Variants in GABRA1 observed in about 807,000 individuals in gnomAD.
GABRA1 encodes gamma-aminobutyric acid type A receptor subunit alpha1, also known as gamma-aminobutyric acid receptor subunit alpha-1.
GABRA1 carries 9 observed loss-of-function variants against 48.9 expected under a neutral mutation model. The observed-to-expected ratio is 0.18, with a 90% CI of 0.11 to 0.32. GABRA1 has a LOEUF of 0.32. Ranked by LOEUF, GABRA1 falls within the 10% of genes least tolerant of loss-of-function variation. GABRA1 has a pLI of 1.00. For missense variants in GABRA1, 285 were observed against 553.8 expected, an observed-to-expected ratio of 0.51 and a Z score of 4.87; for synonymous variants, 210 against 198.7, an observed-to-expected ratio of 1.06 and a Z score of -0.48.
chr5:161,865,906 G>T, intron 4 of GABRA1, 118 bp downstream of exon 4: 2 of 776,922 alleles, frequency 2.6e-6, no homozygotes, highest in Non-Finnish European at 4.5e-6. Context: ...ATACTTTTGT[G>T]TCTTTCTGTG....
intron 2 of GABRA1, among the ~76,000 whole-genome samples, chr5:161,851,754 G>A (rs1319419719): frequency 6.6e-6 from 1 of 152,090 alleles, no homozygotes; most frequent in African/African-American, 2.4e-5. Flanking sequence ...TAATTCAGAA[G>A]TTTTCTGTTG....
chr5:161,870,926 A>T (rs553327445), intron 4 of GABRA1, among the ~76,000 whole-genome samples: 1 of 151,024 alleles, frequency 6.6e-6, no homozygotes, highest in Non-Finnish European at 1.5e-5. Flanking sequence ...GGAAATGAAG[A>T]TTAACCAGCG....
chr5:161,881,990 G>A (rs1181261854), intron 6 of GABRA1: 1 of 154,786 alleles, frequency 6.5e-6, no homozygotes, highest in Non-Finnish European at 1.4e-5. Flanking sequence ...AGGAGGAGAA[G>A]GAGAAGGAGA....
At position 161,882,546 on chromosome 5, in the gene GABRA1, GT is replaced by G. The variant is rs1230461981; in HGVS notation, c.560-9del. On this transcript the variant is annotated splice_polypyrimidine_tract_variant and intron_variant, in intron 6 of 9. Transcript: ENST00000393943. ...TAAAATATATGGATCATTTTCTACT[GT>G]TTCCTTTTAGATGCTTATACAAGAG... 5.6e-6 allele frequency: 9 copies of G among 1,611,868 alleles called. No homozygotes were observed. Among genetic ancestry groups the G allele is most frequent in the Non-Finnish European group, 6.8e-6 (8 of 1,178,356 alleles).
intron 6 of GABRA1, among the ~76,000 whole-genome samples, chr5:161,878,720 G>A (rs149382127): frequency 3.4e-4 from 51 of 152,238 alleles, no homozygotes; most frequent in African/African-American, 1.1e-3. Flanking sequence ...AACTGTGATC[G>A]TTTCACTGCT....
intron 4 of GABRA1, among the ~76,000 whole-genome samples, chr5:161,872,004 C>A (rs1417775790): frequency 1.3e-5 from 2 of 152,196 alleles, no homozygotes; most frequent in Non-Finnish European, 2.9e-5. Flanking sequence ...GTACACGAAA[C>A]TCCTAAACAC....
chr5:161,873,422 T>C (rs1278069678), intron 5 of GABRA1, 85 bp downstream of exon 5: 1 of 1,082,038 alleles, frequency 9.2e-7, no homozygotes, highest in Admixed American at 1.9e-5. Flanking sequence ...TGATGAGCCA[T>C]GGTGGAATAT....
chr5:161,870,534 T>A (rs1754062938), intron 4 of GABRA1, among the ~76,000 whole-genome samples: 1 of 134,952 alleles, frequency 7.4e-6, no homozygotes, highest in Admixed American at 8.4e-5. Flanking sequence ...GTTATTGCAG[T>A]CCAGCCTGGG....
chr5:161,867,629 A>G (rs1753928001), intron 4 of GABRA1, among the ~76,000 whole-genome samples: 1 of 152,188 alleles, frequency 6.6e-6, no homozygotes, highest in Non-Finnish European at 1.5e-5. Flanking sequence ...ATAGTGCTCA[A>G]TAAATGATAG....
At chr5:161,868,836 G>C (rs1237850033) in intron 4 of GABRA1, among the ~76,000 whole-genome samples, 1 of 152,094 alleles carries the variant, frequency 6.6e-6, no homozygotes, top group Non-Finnish European at 1.5e-5. Context: ...TCTTAGAATA[G>C]GCTTTTTGAT....
chr5:161,875,845 T>C (rs951539288), intron 6 of GABRA1, among the ~76,000 whole-genome samples: 6 of 152,198 alleles, frequency 3.9e-5, no homozygotes, highest in Admixed American at 3.3e-4. Flanking sequence ...TCTACTGAAC[T>C]AGAAAGCATG....
At chr5:161,873,823 GATACTATTA>G (rs1241272592) in intron 5 of GABRA1, among the ~76,000 whole-genome samples, 14 of 152,082 alleles carry the variant, frequency 9.2e-5, no homozygotes, top group African/African-American at 3.4e-4. Context: ...CGAGAATATA[GATACTATTA>G]ATTTTGCTCA....
At chr5:161,850,339 AC>A (rs1487345764) in intron 1 of GABRA1, 8 of 320,738 alleles carry the variant, frequency 2.5e-5, no homozygotes, top group Non-Finnish European at 4.5e-5. Flanking sequence ...CAACATGTTA[AC>A]CTATCCCCTC....
chr5:161,896,537 G>A (rs960187136), intron 9 of GABRA1, among the ~76,000 whole-genome samples: 1 of 152,114 alleles, frequency 6.6e-6, no homozygotes, highest in Admixed American at 6.6e-5. Context: ...GTGTTTGTGG[G>A]GTTTGAAGAA....
At chr5:161,857,421 T>C (rs1757690237) in intron 3 of GABRA1, among the ~76,000 whole-genome samples, 1 of 151,598 alleles carries the variant, frequency 6.6e-6, no homozygotes, top group South Asian at 2.1e-4. Context: ...TTAGTTTATA[T>C]GTACCTTGGA....
At chr5:161,883,956 A>G (rs1028353566) in intron 7 of GABRA1, among the ~76,000 whole-genome samples, 4 of 152,018 alleles carry the variant, frequency 2.6e-5, no homozygotes, top group Non-Finnish European at 4.4e-5. Flanking sequence ...GAAAGGTCAT[A>G]GGCTTTGTAG....
At chr5:161,857,225 C>CT (rs1445871218) in intron 3 of GABRA1, among the ~76,000 whole-genome samples, 2 of 151,236 alleles carry the variant, frequency 1.3e-5, no homozygotes, top group South Asian at 2.1e-4. Context: ...TGACAAAAGT[C>CT]TTTTTTTATA....
chr5:161,877,174 G>A (rs1205791571), intron 6 of GABRA1, among the ~76,000 whole-genome samples: 3 of 152,208 alleles, frequency 2.0e-5, no homozygotes, highest in South Asian at 4.1e-4. Flanking sequence ...CACACTCCTG[G>A]TCTCAAGTAA....
In GABRA1 at chr5:161,899,808, G is replaced by T. The variant is rs1755535659; in HGVS notation, c.*2386G>T. Reference sequence around the variant, plus strand: ...CACTGAATGTTTATTGCACTTTAGTGCAGTGAAGTGGCAATAAAACCTAAC... The same window carrying T: ...CACTGAATGTTTATTGCACTTTAGTTCAGTGAAGTGGCAATAAAACCTAAC... On this transcript the variant is annotated 3_prime_UTR_variant, in exon 10 of 10. Transcript: ENST00000393943. 1 of 152,132 alleles carries T rather than the reference G, an allele frequency of 6.6e-6. No individual in the cohort carries two copies. Among genetic ancestry groups the T allele is most frequent in the South Asian group, 2.1e-4 (1 of 4,834 alleles). 9.4% of individuals were successfully genotyped at this position (152,132 alleles called of 1,614,324 possible).
Sources: allele counts gnomAD v4.1 joint callset (sites outside exome capture counted in the v4.1 genomes callset), GRCh38; gene constraint gnomAD v4.1.1; transcripts MANE v1.5; gene names NCBI Gene and HGNC (gene_info 2026-07-23, HGNC 2026-07-21).